Variants in PRKCH observed in about 807,000 individuals in gnomAD.
PRKCH encodes protein kinase C eta type.
In PRKCH, 28 loss-of-function variants were observed where a neutral mutation model predicts 82.5. The observed-to-expected ratio is 0.34, with a 90% CI of 0.25 to 0.47. The LOEUF is 0.47. Ranked by LOEUF, PRKCH falls within the 20% of genes least tolerant of loss-of-function variation. The pLI is 1.00. For missense variants in PRKCH, 705 were observed against 881.8 expected, an observed-to-expected ratio of 0.80 and a Z score of 2.54; for synonymous variants, 322 against 327.4, an observed-to-expected ratio of 0.98 and a Z score of 0.18.
In PRKCH at chr14:61,505,710, A is replaced by G. The variant is rs79138166; in HGVS notation, c.1433+20054A>G. 6.2e-3 allele frequency among the ~76,000 whole-genome samples: 937 copies of G among 152,200 alleles called. 20 individuals carry two copies. The highest frequency in any genetic ancestry group is 0.021 in the African/African-American group (890 of 41,498). On this transcript the variant is annotated intron_variant, in intron 10 of 13. Transcript: ENST00000332981. ...TCTAAGGGCGCTAATCCCATTCACA[A>G]GGGCTTTACCTTCATGACCTAGCCA... is the stretch of plus-strand genomic sequence containing the variant.
intron 1 of PRKCH, among the ~76,000 whole-genome samples, chr14:61,215,183 A>G (rs941011476): frequency 4.6e-5 from 7 of 152,154 alleles, no homozygotes; most frequent in African/African-American, 1.7e-4. Context: ...AACAGTCTAG[A>G]TGTTGTTGTG....
At chr14:61,327,694 C>G (rs1240524638) in intron 1 of PRKCH, among the ~76,000 whole-genome samples, 2 of 152,168 alleles carry the variant, frequency 1.3e-5, no homozygotes, top group Non-Finnish European at 2.9e-5. Flanking sequence ...TTATACTTTC[C>G]TCCTTTAGAT....
chr14:61,253,983 C>CTTCCTCCT (rs1406808884), intron 1 of PRKCH, among the ~76,000 whole-genome samples: 1 of 110,992 alleles, frequency 9.0e-6, no homozygotes, highest in African/African-American at 3.7e-5. Flanking sequence ...TCCCTCCTCC[C>CTTCCTCCT]TCCCTCCCTC....
intron 1 of PRKCH, among the ~76,000 whole-genome samples, chr14:61,274,056 C>T (rs1332420350): frequency 5.9e-5 from 9 of 151,952 alleles, no homozygotes; most frequent in Middle Eastern, 3.4e-3. Context: ...GCAAATGCTC[C>T]GAGAAAGAAA....
intron 2 of PRKCH, among the ~76,000 whole-genome samples, chr14:61,430,694 C>T (rs1260381592): frequency 6.6e-6 from 1 of 151,904 alleles, no homozygotes; most frequent in Non-Finnish European, 1.5e-5. Context: ...TTGGTCACAG[C>T]TTGCACCAGG....
At chr14:61,448,661 G>T (rs1884341841) in intron 4 of PRKCH, among the ~76,000 whole-genome samples, 1 of 152,060 alleles carries the variant, frequency 6.6e-6, no homozygotes, top group African/African-American at 2.4e-5. Context: ...TAGTTGATAG[G>T]CAAAAAGGAT....
intron 1 of PRKCH, among the ~76,000 whole-genome samples, chr14:61,335,693 A>G (rs1000828071): frequency 6.6e-6 from 1 of 152,182 alleles, no homozygotes; most frequent in African/African-American, 2.4e-5. Context: ...AATTTTGCCT[A>G]TTTTGAATAG....
chr14:61,357,571 G>A (rs537134923), intron 1 of PRKCH, among the ~76,000 whole-genome samples: 25 of 152,212 alleles, frequency 1.6e-4, no homozygotes, highest in African/African-American at 5.8e-4. Context: ...GCTGTCAAAT[G>A]TTCTCTGCGT....
At position 61,193,820 on chromosome 14, in the gene PRKCH, C is replaced by T. The variant is rs79203809; in HGVS notation, c.-19+6152C>T. Reference sequence around the variant, plus strand: ...AGGGGATATATTGGGCCAGAAAGCTCGCCTGATAATACATCCCTCCCTGTT... The same window carrying T: ...AGGGGATATATTGGGCCAGAAAGCTTGCCTGATAATACATCCCTCCCTGTT... On this transcript the variant is annotated intron_variant, in intron 1 of 3. Coordinates refer to the PRKCH transcript ENST00000555185. Among the ~76,000 whole-genome samples the T allele has an allele frequency of 9.3e-3, 1,423 of 152,262 alleles. 24 individuals carry two copies. Among genetic ancestry groups the T allele is most frequent in the African/African-American group, 0.032 (1,335 of 41,550 alleles).
At chr14:61,429,929 A>G (rs1219633862) in intron 2 of PRKCH, among the ~76,000 whole-genome samples, 1 of 152,164 alleles carries the variant, frequency 6.6e-6, no homozygotes, top group East Asian at 1.9e-4. Context: ...GCTGTCTTCC[A>G]ATATGTATGC....
At chr14:61,267,858 C>T (rs1336278878) in intron 1 of PRKCH, among the ~76,000 whole-genome samples, 1 of 152,034 alleles carries the variant, frequency 6.6e-6, no homozygotes, top group Non-Finnish European at 1.5e-5. Flanking sequence ...AAAAATGCTG[C>T]CAATTAAAAT....
chr14:61,263,449 T>C (rs1203987467), intron 1 of PRKCH, among the ~76,000 whole-genome samples: 1 of 151,046 alleles, frequency 6.6e-6, no homozygotes, highest in Non-Finnish European at 1.5e-5. Context: ...TTGGTATTAC[T>C]ATCCACATTT....
At chr14:61,203,457 G>T (rs1162543697) in intron 1 of PRKCH, among the ~76,000 whole-genome samples, 2 of 152,052 alleles carry the variant, frequency 1.3e-5, no homozygotes, top group African/African-American at 4.8e-5. Flanking sequence ...GGCTTGGGGG[G>T]TACTCAAATG....
chr14:61,515,514 T>C lies in PRKCH; in HGVS notation c.1434-13561T>C, dbSNP rs145937926. Among the ~76,000 whole-genome samples the C allele has an allele frequency of 4.0e-3, 607 of 152,324 alleles. 15 individuals carry two copies. The highest frequency in any genetic ancestry group is 0.034 in the Admixed American group (516 of 15,308). On this transcript the variant is annotated intron_variant, in intron 10 of 13. Coordinates refer to ENST00000332981, the MANE Select transcript of PRKCH (RefSeq NM_006255.5). ...ACTTGACACTAAACAGAGATCTTAA[T>C]TCCTGTATCTTCATGCATCAGAATT...
rs77846671 is a variant in PRKCH at position 61,196,669 on chromosome 14, T to G, written c.-19+9001T>G. Among the ~76,000 whole-genome samples the G allele has an allele frequency of 5.0e-3, 762 of 152,358 alleles. 20 individuals are homozygous for G. In the East Asian group the frequency reaches 0.068, roughly 14 times the overall value. ...AAGGTGAAAGCCCCTTTCCAATCTG[T>G]GCCTGTCAGGACATAACTGGAGAAT... On this transcript the variant is annotated intron_variant, in intron 1 of 3. Transcript: ENST00000555185.
chr14:61,289,375 C>T (rs1048323206), intron 1 of PRKCH, among the ~76,000 whole-genome samples: 1 of 152,120 alleles, frequency 6.6e-6, no homozygotes, highest in African/African-American at 2.4e-5. Flanking sequence ...TGTATTACTC[C>T]AGAAAATGAA....
At chr14:61,396,957 A>G (rs181898023) in intron 2 of PRKCH, among the ~76,000 whole-genome samples, 132 of 152,310 alleles carry the variant, frequency 8.7e-4, no homozygotes, top group Non-Finnish European at 1.6e-3. Flanking sequence ...CACCACTTGT[A>G]GGCTAATAGA....
chr14:61,229,138 A>T (rs1000491852), intron 1 of PRKCH, among the ~76,000 whole-genome samples: 1 of 152,192 alleles, frequency 6.6e-6, no homozygotes, highest in Non-Finnish European at 1.5e-5. Context: ...ATAACTCCCC[A>T]AATGGAAATA....
At chr14:61,342,414 A>C (rs2045940665) in intron 1 of PRKCH, among the ~76,000 whole-genome samples, 1 of 152,166 alleles carries the variant, frequency 6.6e-6, no homozygotes, top group African/African-American at 2.4e-5. Flanking sequence ...AAAATCCTAG[A>C]ATATGTCATC....
Sources: allele counts gnomAD v4.1 joint callset (sites outside exome capture counted in the v4.1 genomes callset), GRCh38; gene constraint gnomAD v4.1.1; transcripts MANE v1.5; gene names NCBI Gene and HGNC (gene_info 2026-07-23, HGNC 2026-07-21).